EBI3: variants seen among roughly 807,000 people sequenced by gnomAD.
EBI3 encodes the protein Epstein-Barr virus induced 3.
In EBI3, 19 loss-of-function variants were observed where a neutral mutation model predicts 21.3. That is an observed-to-expected ratio of 0.89 (90% CI 0.62 to 1.31). The LOEUF is 1.31. Among genes scored for constraint, EBI3 ranks in the 50% most tolerant of loss-of-function variants. The probability of loss-of-function intolerance (pLI) is 0.00; values close to 1 mark genes in which losing one functional copy is unlikely to be tolerated. For missense variants in EBI3, 331 were observed against 314.0 expected, an observed-to-expected ratio of 1.05 and a Z score of -0.41; for synonymous variants, 154 against 131.2, an observed-to-expected ratio of 1.17 and a Z score of -1.19.
At chr19:4,233,419 C>A in intron 3 of EBI3, 112 bp downstream of exon 3, 1 of 1,265,254 alleles carries the variant, frequency 7.9e-7, no homozygotes, top group Non-Finnish European at 1.1e-6. Context: ...CACACTTAAG[C>A]AAAAATCTGA....
intron 4 of EBI3, 114 bp from the exon 5 acceptor site, chr19:4,236,822 G>A (rs369475983): frequency 7.9e-7 from 1 of 1,269,182 alleles, no homozygotes. Flanking sequence ...CCAGAGTCCT[G>A]GACTGGAGCC....
chr19:4,235,730 C>G (rs922071266), intron 4 of EBI3, among the ~76,000 whole-genome samples: 5 of 151,750 alleles, frequency 3.3e-5, no homozygotes, highest in African/African-American at 1.2e-4. Flanking sequence ...GAGTTGGAGA[C>G]CAGCCTGGGT....
intron 2 of EBI3, among the ~76,000 whole-genome samples, chr19:4,231,925 T>G (rs1010265356): frequency 6.7e-6 from 1 of 149,884 alleles, no homozygotes; most frequent in Admixed American, 6.7e-5. Flanking sequence ...TAAAAACAAT[T>G]TTTAAAATTA....
chr19:4,232,893 G>A (rs939890592), intron 2 of EBI3: 2 of 437,176 alleles, frequency 4.6e-6, no homozygotes, highest in African/African-American at 4.1e-5. Flanking sequence ...CCGGACCCTA[G>A]CATCTAGCTT....
intron 3 of EBI3, among the ~76,000 whole-genome samples, chr19:4,233,732 T>G (rs77145509): frequency 0.12 from 17,733 of 152,238 alleles, 1,606 homozygotes; most frequent in South Asian, 0.3. Context: ...TGGCCACATG[T>G]GATTCCTTGA....
At chr19:4,235,738 G>A (rs576508381) in intron 4 of EBI3, among the ~76,000 whole-genome samples, 3 of 152,156 alleles carry the variant, frequency 2.0e-5, no homozygotes, top group African/African-American at 7.2e-5. Context: ...GACCAGCCTG[G>A]GTAACATAGT....
chr19:4,230,852 A>G (rs1970775649), intron 1 of EBI3, among the ~76,000 whole-genome samples: 1 of 151,828 alleles, frequency 6.6e-6, no homozygotes, highest in Non-Finnish European at 1.5e-5. Context: ...ACTCCAGCCT[A>G]GGCGACAGAG....
At chr19:4,233,498 C>T (rs573595939) in intron 3 of EBI3, among the ~76,000 whole-genome samples, 191 bp downstream of exon 3, 23 of 152,234 alleles carry the variant, frequency 1.5e-4, no homozygotes, top group Non-Finnish European at 3.4e-4. Flanking sequence ...CCCCTCCATC[C>T]TGAGCCCTGG....
Position 4,237,319 on chromosome 19 carries a change from T to G in EBI3, c.*231T>G. 2.7e-6 allele frequency: 1 copy of G among 373,070 alleles called. No individual in the cohort carries two copies. The allele number at this position is 373,070 out of a possible 1,614,324, so 23.1% of individuals were successfully genotyped here. On this transcript the variant is annotated 3_prime_UTR_variant, in exon 5 of 5. Transcript: ENST00000221847. ...TCCTTTACCTTTACCTTTACCACAG[T>G]GCAGGGCTGACTGAACTGTCACTGT...
Position 4,233,297 on chromosome 19 carries a change from A to G in EBI3, c.369A>G (p.Thr123=), listed in dbSNP as rs1394168721. 8 of 1,480,758 alleles carry G rather than the reference A, an allele frequency of 5.4e-6. No individual in the cohort carries two copies. Among genetic ancestry groups the G allele is most frequent in the Non-Finnish European group, 7.3e-6 (8 of 1,093,020 alleles). The allele number at this position is 1,480,758 out of a possible 1,614,324, so 91.7% of individuals were successfully genotyped here. A position where few individuals can be genotyped will look rare whatever the true frequency, so the allele number is the denominator to read the frequency against. The change falls in exon 3 of 5, where the codon ACA becomes ACG. Residue 123 remains threonine, a synonymous_variant. Transcript: ENST00000221847. ...GSSSSFVPFI[T]EHIIKPDPPE... ...GCAGCAGCTTCGTGCCTTTCATAAC[A>G]GAGCACATCAGTGAGTGGGGGCGGC...
chr19:4,236,137 C>T (rs1334915260), intron 4 of EBI3, among the ~76,000 whole-genome samples: 5 of 152,132 alleles, frequency 3.3e-5, no homozygotes, highest in South Asian at 2.1e-4. Context: ...AGGCAGATCA[C>T]GAGGTCAGGA....
At chr19:4,236,040 G>A (rs184199547) in intron 4 of EBI3, among the ~76,000 whole-genome samples, 9 of 152,144 alleles carry the variant, frequency 5.9e-5, no homozygotes, top group Admixed American at 5.9e-4. Context: ...TTGAGGTCAG[G>A]TGAAACCCCA....
In EBI3 at chr19:4,237,080, G is replaced by T; in HGVS notation, c.682G>T (p.Gly228Cys). ...SLPATATMSL[G>C]K Reference sequence around the variant, plus strand: ...CCCCGCCACTGCCACAATGAGCCTGGGCAAGTAGCAAGGGCTTCCCGCTGC... The same window carrying T: ...CCCCGCCACTGCCACAATGAGCCTGTGCAAGTAGCAAGGGCTTCCCGCTGC... Residue 228 changes from glycine (G) to cysteine (C), a missense_variant, in exon 5 of 5, where the codon GGC becomes TGC. Physicochemically the swap from Gly to Cys is radical, Grantham distance 159. Transcript: ENST00000221847. 6.5e-7 allele frequency: 1 copy of T among 1,527,200 alleles called. No homozygotes were observed. The highest frequency in any genetic ancestry group is 2.0e-5 in the Admixed American group (1 of 50,502). The allele number at this position is 1,527,200 out of a possible 1,614,324, so 94.6% of individuals were successfully genotyped here.
rs566124721 is a variant in EBI3 at position 4,234,711 on chromosome 19, G to A, written c.424G>A (p.Glu142Lys). The A allele has an allele frequency of 1.2e-6, 2 of 1,614,134 alleles. No homozygotes were observed. Among genetic ancestry groups the A allele is most frequent in the African/African-American group, 1.3e-5 (1 of 75,054 alleles). ...AGGCGTGCGCCTAAGCCCCCTCGCT[G>A]AGCGCCAGCTACAGGTGCAGTGGGA... ...PEGVRLSPLA[E>K]RQLQVQWEPP... The change falls in exon 4 of 5, where the codon GAG becomes AAG. Residue 142 changes from glutamate to lysine, a missense_variant. By Grantham distance (56) the Glu-to-Lys change is moderately conservative. Transcript: ENST00000221847.
At chr19:4,230,345 G>T (rs531784516) in intron 1 of EBI3, among the ~76,000 whole-genome samples, 3 of 150,698 alleles carry the variant, frequency 2.0e-5, no homozygotes, top group Non-Finnish European at 4.4e-5. Flanking sequence ...CGTGAGGATC[G>T]TGAGGCCAGG....
chr19:4,234,558 G>A (rs755512460), intron 3 of EBI3, 109 bp from the exon 4 acceptor site: 98 of 1,493,838 alleles, frequency 6.6e-5, no homozygotes, highest in Non-Finnish European at 8.4e-5. Flanking sequence ...GTGAGACTCC[G>A]TTTCAAAACA....
chr19:4,230,392 A>C (rs7251050), intron 1 of EBI3, among the ~76,000 whole-genome samples: 9,268 of 151,088 alleles, frequency 0.061, 947 homozygotes, highest in African/African-American at 0.21. Context: ...GTGAAACCGG[A>C]CCCCACCAAT....
intron 2 of EBI3, 198 bp from the exon 3 acceptor site, chr19:4,232,930 CA>C: frequency 1.9e-6 from 1 of 533,420 alleles, no homozygotes; most frequent in Non-Finnish European, 3.2e-6. Context: ...CCTGAACCAT[CA>C]GGGGCACCGT....
chr19:4,232,548 C>CG (rs138544008), intron 2 of EBI3, among the ~76,000 whole-genome samples: 1 of 150,768 alleles, frequency 6.6e-6, no homozygotes, highest in Non-Finnish European at 1.5e-5. Flanking sequence ...TGAGACCCCC[C>CG]CCCATCTGTA....
Sources: allele counts gnomAD v4.1 joint callset (sites outside exome capture counted in the v4.1 genomes callset), GRCh38; gene constraint gnomAD v4.1.1; transcripts MANE v1.5; gene names NCBI Gene and HGNC (gene_info 2026-07-23, HGNC 2026-07-21).